Variants in PHF12 observed in about 807,000 individuals in gnomAD.
The protein encoded by PHF12 is PHD factor 1.
Under a neutral mutation model 99.8 loss-of-function variants are expected in PHF12, and 6 were observed. The ratio of observed to expected loss-of-function variants is 0.06; its 90% CI spans 0.03 to 0.12. PHF12 has a LOEUF of 0.12. PHF12 is among the 10% of genes least tolerant of loss of function. PHF12 has a pLI of 1.00. For synonymous variants in PHF12, 480 were observed against 514.9 expected, an observed-to-expected ratio of 0.93 and a Z score of 0.92; for missense variants, 954 against 1,300.1, an observed-to-expected ratio of 0.73 and a Z score of 4.09.
intron 2 of PHF12, among the ~76,000 whole-genome samples, chr17:28,944,053 A>ATACCAAGAACT (rs2040673464): frequency 6.6e-6 from 1 of 152,378 alleles, no homozygotes; most frequent in African/African-American, 2.4e-5. Context: ...TACCAAGAAC[A>ATACCAAGAACT]TACCAAGAAC....
intron 2 of PHF12, among the ~76,000 whole-genome samples, chr17:28,930,723 G>C (rs1284787642): frequency 2.0e-5 from 3 of 152,180 alleles, no homozygotes; most frequent in Non-Finnish European, 4.4e-5. Flanking sequence ...GAGGCTCTCA[G>C]AAGTAGCATC....
At chr17:28,926,945 T>C (rs1276250211) in intron 3 of PHF12, 46 bp downstream of exon 3, 1 of 1,610,652 alleles carries the variant, frequency 6.2e-7, no homozygotes, top group African/African-American at 1.3e-5. Context: ...ATATCAGTGC[T>C]CTGGATCAGG....
chr17:28,920,937 G>A (rs1360236309), intron 5 of PHF12, among the ~76,000 whole-genome samples: 3 of 151,856 alleles, frequency 2.0e-5, no homozygotes, highest in South Asian at 2.1e-4. Flanking sequence ...GCAGTGGCGC[G>A]ATCTTGGCTC....
At chr17:28,931,415 C>T (rs555850838) in intron 2 of PHF12, among the ~76,000 whole-genome samples, 14 of 151,042 alleles carry the variant, frequency 9.3e-5, no homozygotes, top group Non-Finnish European at 1.2e-4. Context: ...CGCCATCACA[C>T]CCGGCTAATT....
In PHF12 at chr17:28,951,374, G is replaced by A. The variant is rs1003873171; in HGVS notation, c.-414C>T. The A allele has an allele frequency of 6.1e-6, 6 of 988,422 alleles. No homozygotes were observed. The highest frequency in any genetic ancestry group is 7.2e-6 in the Non-Finnish European group (6 of 830,826). 61.2% of individuals were successfully genotyped at this position (988,422 alleles called of 1,614,324 possible). A position where few individuals can be genotyped will look rare whatever the true frequency, so the allele number is the denominator to read the frequency against. On this transcript the variant is annotated 5_prime_UTR_variant, in exon 1 of 15. Coordinates refer to ENST00000332830, the MANE Select transcript of PHF12 (RefSeq NM_001033561.2). ...TGAGGTTGTGGTACGTGAGGTGACT[G>A]GGGGGAGGGTGATGGGGGGTGGTCC... is the stretch of plus-strand genomic sequence containing the variant.
intron 2 of PHF12, among the ~76,000 whole-genome samples, chr17:28,937,874 T>G (rs1221627705): frequency 1.3e-5 from 2 of 152,162 alleles, no homozygotes; most frequent in African/African-American, 4.8e-5. Flanking sequence ...CCTTCATTAA[T>G]TCACCTCATG....
In PHF12 at chr17:28,913,973, C is replaced by T. The variant is rs771389217; in HGVS notation, c.1199G>A (p.Arg400Gln). ...PPPLIAPAAI[R>Q]DGELICNGIP... is the part of the protein sequence containing the mutation. Reference sequence around the variant, plus strand: ...CCCATTGCAGATCAGCTCCCCGTCCCGAATGGCCGCGGGTGCAATGAGAGG... The same window carrying T: ...CCCATTGCAGATCAGCTCCCCGTCCTGAATGGCCGCGGGTGCAATGAGAGG... Residue 400 changes from arginine to glutamine, a missense_variant, in exon 8 of 15, where the codon CGG becomes CAG. By Grantham distance (43) the Arg-to-Gln change is conservative (BLOSUM62 1). Coordinates refer to ENST00000332830, the MANE Select transcript of PHF12 (RefSeq NM_001033561.2). The T allele has an allele frequency of 4.3e-6, 7 of 1,613,792 alleles. No homozygotes were observed. The highest frequency in any genetic ancestry group is 1.7e-5 in the Admixed American group (1 of 60,006).
rs1273207838 is a variant in PHF12, at chr17:28,949,134, G to A, written c.248+931C>T. Reference sequence around the variant, plus strand: ...AAAGCGTACGGCTTTCCAGCTCTCAGCTCCTTAAAAATGCCTTTCTAGTGC... The same window carrying A: ...AAAGCGTACGGCTTTCCAGCTCTCAACTCCTTAAAAATGCCTTTCTAGTGC... On this transcript the variant is annotated intron_variant, in intron 2 of 14. Transcript: ENST00000332830. This position sits in a 1 kb window ranked among gnomAD's most constrained non-coding sequence, Gnocchi z 4.6. 2.6e-5 allele frequency among the ~76,000 whole-genome samples: 4 copies of A among 152,168 alleles called. No homozygotes were observed. Among genetic ancestry groups the A allele is most frequent in the Non-Finnish European group, 5.9e-5 (4 of 68,024 alleles).
In PHF12 at chr17:28,912,838, C is replaced by T. The variant is rs749229363; in HGVS notation, c.1733G>A (p.Arg578Gln). Residue 578 changes from arginine (R) to glutamine (Q), a missense_variant, in exon 9 of 15, where the codon CGG becomes CAG. Arg to Gln is a conservative substitution (Grantham distance 43). Around this residue, in one of 8 missense-constraint regions of PHF12, gnomAD observed 392 missense variants for 423.1 expected, o/e 0.93. Transcript: ENST00000332830. ...ANTPLPGLSH[R>Q]QGWPRPLTPP... ...CGTGAGGGGCCGGGGCCAGCCTTGCCGGTGTGAGAGGCCTGGTAGTGGGGT... is the reference window on the plus strand; with the variant it reads ...CGTGAGGGGCCGGGGCCAGCCTTGCTGGTGTGAGAGGCCTGGTAGTGGGGT... 1.7e-5 allele frequency: 27 copies of T among 1,607,792 alleles called. No individual in the cohort carries two copies. Among genetic ancestry groups the T allele is most frequent in the African/African-American group, 8.0e-5 (6 of 74,696 alleles).
rs2040115408 is a variant in PHF12, at chr17:28,919,275, C to T, written c.837G>A (p.Arg279=). ...GGATGAGAGGAGCCACACGGCAACT[C>T]CTGCAAAAAAGAGATGTTGGCCATT... is the stretch of plus-strand genomic sequence containing the variant. ...LPVKVCFTCN[R]SCRVAPLIQC... The change falls in exon 6 of 15, where the codon AGG becomes AGA. Residue 279 remains arginine, a splice_region_variant and synonymous_variant. Transcript: ENST00000332830. The T allele has an allele frequency of 6.2e-7, 1 of 1,610,648 alleles. No homozygotes were observed. The highest frequency in any genetic ancestry group is 8.5e-7 in the Non-Finnish European group (1 of 1,178,554).
intron 2 of PHF12, among the ~76,000 whole-genome samples, chr17:28,947,564 C>G (rs918896168): frequency 6.6e-6 from 1 of 151,716 alleles, no homozygotes; most frequent in Non-Finnish European, 1.5e-5. Context: ...GGTGACAAAG[C>G]GAAGACGCCT....
At chr17:28,928,907 C>A (rs1022690649) in intron 2 of PHF12, among the ~76,000 whole-genome samples, 2 of 151,946 alleles carry the variant, frequency 1.3e-5, no homozygotes, top group Non-Finnish European at 2.9e-5. Flanking sequence ...AACAGCCTGG[C>A]CAACATGGTG....
rs546834584 is a variant in PHF12, at chr17:28,939,716, G to A, written c.248+10349C>T. ...GTTCTCTGCACAAATGCAGACAGGA[G>A]AAAAATAATATTCAACATCCCTCTG... On this transcript the variant is annotated intron_variant, in intron 2 of 14. Transcript: ENST00000332830. Among the ~76,000 whole-genome samples, 14 of 152,310 alleles carry A rather than the reference G, an allele frequency of 9.2e-5. No homozygotes were observed. The East Asian group carries it at 2.5e-3, about 27-fold the overall frequency.
intron 2 of PHF12, among the ~76,000 whole-genome samples, chr17:28,927,337 A>G (rs1030392893): frequency 1.3e-5 from 2 of 152,106 alleles, no homozygotes; most frequent in African/African-American, 4.8e-5. Flanking sequence ...GGTCCTCCAC[A>G]CTGTTTTCTT....
intron 5 of PHF12, among the ~76,000 whole-genome samples, chr17:28,920,944 G>A (rs1371115494): frequency 6.6e-6 from 1 of 151,978 alleles, no homozygotes; most frequent in African/African-American, 2.4e-5. Context: ...CGCGATCTTG[G>A]CTCACTGCAA....
At chr17:28,933,355 T>C (rs2040449654) in intron 2 of PHF12, among the ~76,000 whole-genome samples, 4 of 152,246 alleles carry the variant, frequency 2.6e-5, no homozygotes, top group Admixed American at 1.3e-4. Flanking sequence ...TCTTATTTGA[T>C]CTTCACTACC....
intron 2 of PHF12, among the ~76,000 whole-genome samples, chr17:28,933,987 A>C (rs909228796): frequency 6.6e-6 from 1 of 152,106 alleles, no homozygotes; most frequent in East Asian, 1.9e-4. Context: ...GGCAAAACTG[A>C]AGTGAGCCAT....
chr17:28,909,960 C>CT, intron 11 of PHF12: 1 of 636,948 alleles, frequency 1.6e-6, no homozygotes, highest in Non-Finnish European at 2.8e-6. Flanking sequence ...CCCAAAGGTA[C>CT]TGGTAGCTGC....
At chr17:28,914,208 C>T (rs2040020272) in intron 7 of PHF12, among the ~76,000 whole-genome samples, 171 bp from the exon 8 acceptor site, 1 of 152,122 alleles carries the variant, frequency 6.6e-6, no homozygotes, top group African/African-American at 2.4e-5. Context: ...GTGGGGCCTC[C>T]ACTTTCCTTC....
Sources: allele counts gnomAD v4.1 joint callset (sites outside exome capture counted in the v4.1 genomes callset), GRCh38; gene constraint gnomAD v4.1.1; regional missense constraint gnomAD v4.1.1; non-coding constraint Gnocchi (gnomAD v3.1); transcripts MANE v1.5; gene names NCBI Gene and HGNC (gene_info 2026-07-23, HGNC 2026-07-21).